Variants in PPP2R2A observed in about 807,000 individuals in gnomAD.
PPP2R2A encodes the protein serine/threonine-protein phosphatase 2A 55 kDa regulatory subunit B alpha isoform.
Under a neutral mutation model 53.2 loss-of-function variants are expected in PPP2R2A, and 9 were observed. The observed-to-expected ratio is 0.17, with a 90% CI of 0.10 to 0.30. PPP2R2A has a LOEUF of 0.30. Among genes scored for constraint, PPP2R2A ranks in the 10% least tolerant of loss-of-function variants. The probability of loss-of-function intolerance (pLI) is 1.00; values close to 1 mark genes in which losing one functional copy is unlikely to be tolerated. For synonymous variants in PPP2R2A, 169 were observed against 174.2 expected, an observed-to-expected ratio of 0.97 and a Z score of 0.23; for missense variants, 235 against 534.6, an observed-to-expected ratio of 0.44 and a Z score of 5.53.
intron 3 of PPP2R2A, among the ~76,000 whole-genome samples, chr8:26,344,916 G>A (rs541633733): frequency 1.5e-3 from 227 of 152,234 alleles, no homozygotes; most frequent in African/African-American, 5.3e-3. Context: ...ATGCGCATGT[G>A]TACATAATGA....
At chr8:26,320,439 C>T (rs970677283) in intron 2 of PPP2R2A, among the ~76,000 whole-genome samples, 9 of 151,914 alleles carry the variant, frequency 5.9e-5, no homozygotes, top group Non-Finnish European at 1.3e-4. Flanking sequence ...ATGTAGGGAA[C>T]GTTTTTTTAA....
At chr8:26,320,068 A>T (rs1324358952) in intron 2 of PPP2R2A, among the ~76,000 whole-genome samples, 2 of 152,104 alleles carry the variant, frequency 1.3e-5, no homozygotes, top group Admixed American at 1.3e-4. Context: ...AATGTTTGTA[A>T]ATCACCTTTC....
intron 2 of PPP2R2A, among the ~76,000 whole-genome samples, chr8:26,304,456 T>A (rs928594698): frequency 6.6e-6 from 1 of 152,224 alleles, no homozygotes. Flanking sequence ...GGCAAAATTT[T>A]AAAAATTTTC....
rs374497441 is a variant in PPP2R2A at position 26,312,258 on chromosome 8, A to G, written c.82+18518A>G. On this transcript the variant is annotated intron_variant, in intron 2 of 9. Transcript: ENST00000380737. ...TGTGCTGTTTTGTTAAAAGAGTTGT[A>G]TTGGCCTGATAATCAACACTTCTCT... Among the ~76,000 whole-genome samples, 29 of 152,328 alleles carry G rather than the reference A, an allele frequency of 1.9e-4. 1 individual carries two copies. In the South Asian group the frequency reaches 5.8e-3, roughly 30 times the overall value.
intron 9 of PPP2R2A, among the ~76,000 whole-genome samples, chr8:26,367,334 G>A (rs1051311008): frequency 1.3e-5 from 2 of 152,176 alleles, no homozygotes; most frequent in Admixed American, 1.3e-4. Flanking sequence ...TAACAAATTT[G>A]AAGAGTAAAG....
intron 2 of PPP2R2A, among the ~76,000 whole-genome samples, chr8:26,303,516 C>G (rs757320423): frequency 2.6e-5 from 4 of 152,172 alleles, no homozygotes; most frequent in Non-Finnish European, 5.9e-5. Flanking sequence ...AATTGGCTTG[C>G]TAACTTTCCC....
intron 2 of PPP2R2A, among the ~76,000 whole-genome samples, chr8:26,337,556 C>G (rs1057033551): frequency 1.3e-5 from 2 of 152,178 alleles, no homozygotes. Context: ...GTACAGAACT[C>G]CTAATCAAAT....
intron 2 of PPP2R2A, chr8:26,333,550 C>A: frequency 8.4e-7 from 1 of 1,187,564 alleles, no homozygotes; most frequent in South Asian, 1.5e-5. Flanking sequence ...CCATAAAGTG[C>A]CTCACAACAC....
At chr8:26,334,838 A>G (rs1218062058) in intron 2 of PPP2R2A, among the ~76,000 whole-genome samples, 2 of 152,220 alleles carry the variant, frequency 1.3e-5, no homozygotes, top group Admixed American at 6.5e-5. Context: ...CTAGCTACAT[A>G]TGGGTATCAG....
chr8:26,362,700 G>A lies in PPP2R2A; in HGVS notation c.654G>A (p.Lys218=), dbSNP rs761849124. Residue 218 remains lysine (K), a synonymous_variant, in exon 7 of 10, where the codon AAG becomes AAA. Coordinates refer to ENST00000380737, the MANE Select transcript of PPP2R2A (RefSeq NM_002717.4). The surrounding 1 kb of genome is among the most constrained non-coding windows in gnomAD (Gnocchi z 4.4). The stretch of plus-strand genomic sequence containing the variant: ...GTTATCTAGACATTGTGGATATCAA[G>A]CCTGCCAATATGGAAGAGCTAACAG... ...TDRSFNIVDI[K]PANMEELTEV... is the part of the protein sequence containing the mutation. 1 of 1,613,882 alleles carries A rather than the reference G, an allele frequency of 6.2e-7. No individual in the cohort carries two copies. The highest frequency in any genetic ancestry group is 1.3e-5 in the African/African-American group (1 of 75,014).
intron 2 of PPP2R2A, among the ~76,000 whole-genome samples, chr8:26,300,021 A>G (rs1172470500): frequency 6.6e-6 from 1 of 152,222 alleles, no homozygotes; most frequent in East Asian, 1.9e-4. Flanking sequence ...TTAAAGTAGT[A>G]GTGTAAGTTT....
At position 26,291,555 on chromosome 8, in the gene PPP2R2A, T is replaced by TGCCGCCGCCGCCGTCGCTGTCGTAGTC. The variant is rs1272725065; in HGVS notation, c.-253_-227dup. On this transcript the variant is annotated 5_prime_UTR_variant, in exon 1 of 10. Coordinates refer to ENST00000380737, the MANE Select transcript of PPP2R2A (RefSeq NM_002717.4). Reference sequence around the variant, plus strand: ...AAGTGGAGTCGCCTGCCCCTGCCGCTGCCGCCGCCGCCGTCGCTGTCGTAG... The same window carrying TGCCGCCGCCGCCGTCGCTGTCGTAGTC: ...AAGTGGAGTCGCCTGCCCCTGCCGCTGCCGCCGCCGCCGTCGCTGTCGTAGTCGCCGCCGCCGCCGTCGCTGTCGTAG... 8.0e-6 allele frequency: 4 copies of TGCCGCCGCCGCCGTCGCTGTCGTAGTC among 501,974 alleles called. No homozygotes were observed. Among genetic ancestry groups the TGCCGCCGCCGCCGTCGCTGTCGTAGTC allele is most frequent in the Admixed American group, 3.8e-5 (1 of 26,168 alleles). The allele number at this position is 501,974 out of a possible 1,614,324, so 31.1% of individuals were successfully genotyped here. A position where few individuals can be genotyped will look rare whatever the true frequency, so the allele number is the denominator to read the frequency against.
chr8:26,341,337 A>G (rs542356892), intron 3 of PPP2R2A, among the ~76,000 whole-genome samples: 20 of 152,298 alleles, frequency 1.3e-4, no homozygotes, highest in African/African-American at 4.3e-4. Flanking sequence ...ATAAATATGT[A>G]TACTTGACAC....
At chr8:26,317,341 A>C (rs1344323896) in intron 2 of PPP2R2A, among the ~76,000 whole-genome samples, 1 of 152,186 alleles carries the variant, frequency 6.6e-6, no homozygotes, top group Non-Finnish European at 1.5e-5. Context: ...ATTATTTGAA[A>C]TGATGTTACT....
intron 2 of PPP2R2A, among the ~76,000 whole-genome samples, chr8:26,298,998 G>A (rs1208028046): frequency 6.6e-6 from 1 of 152,232 alleles, no homozygotes; most frequent in African/African-American, 2.4e-5. Flanking sequence ...GAACAGGCCA[G>A]GTGCAGTGGC....
chr8:26,324,457 C>T (rs529391705), intron 2 of PPP2R2A, among the ~76,000 whole-genome samples: 1 of 152,270 alleles, frequency 6.6e-6, no homozygotes, highest in South Asian at 2.1e-4. Context: ...CCTGTGGGTG[C>T]ACAGAAGTCA....
At chr8:26,323,577 A>C (rs1802946606) in intron 2 of PPP2R2A, among the ~76,000 whole-genome samples, 1 of 152,202 alleles carries the variant, frequency 6.6e-6, no homozygotes, top group African/African-American at 2.4e-5. Context: ...AGAGTGGCTC[A>C]CAGAACTCAG....
At chr8:26,303,501 C>T (rs1431722813) in intron 2 of PPP2R2A, among the ~76,000 whole-genome samples, 2 of 152,120 alleles carry the variant, frequency 1.3e-5, no homozygotes, top group Admixed American at 1.3e-4. Flanking sequence ...GGAAAGAAGG[C>T]ATAAAATTGG....
intron 2 of PPP2R2A, chr8:26,333,389 C>T: frequency 7.2e-6 from 3 of 416,316 alleles, no homozygotes; most frequent in Non-Finnish European, 1.1e-5. Flanking sequence ...CAATGTATTT[C>T]TTAACTATTG....
Sources: allele counts gnomAD v4.1 joint callset (sites outside exome capture counted in the v4.1 genomes callset), GRCh38; gene constraint gnomAD v4.1.1; non-coding constraint Gnocchi (gnomAD v3.1); transcripts MANE v1.5; gene names NCBI Gene and HGNC (gene_info 2026-07-23, HGNC 2026-07-21).